Variants in PDE11A observed in about 807,000 individuals in gnomAD.
The protein encoded by PDE11A is dual 3',5'-cyclic-AMP and -GMP phosphodiesterase 11A.
A neutral mutation model predicts 100.5 loss-of-function variants in PDE11A; 100 were observed. That is an observed-to-expected ratio of 1.00 (90% CI 0.85 to 1.18). PDE11A has a LOEUF of 1.18. PDE11A is among the 50% of genes most tolerant of loss of function. The probability of loss-of-function intolerance (pLI) is 0.00; values close to 1 mark genes in which losing one functional copy is unlikely to be tolerated. For synonymous variants in PDE11A, 381 were observed against 420.8 expected, an observed-to-expected ratio of 0.91 and a Z score of 1.16; for missense variants, 1,141 against 1,152.6, an observed-to-expected ratio of 0.99 and a Z score of 0.15.
Position 177,629,121 on chromosome 2 carries a change from G to C in PDE11A, c.*286C>G. The C allele has an allele frequency of 2.2e-6, 1 of 464,662 alleles. No individual in the cohort carries two copies. The highest frequency in any genetic ancestry group is 2.1e-5 in the South Asian group (1 of 47,446). The allele number at this position is 464,662 out of a possible 1,614,324, so 28.8% of individuals were successfully genotyped here. A position where few individuals can be genotyped will look rare whatever the true frequency, so the allele number is the denominator to read the frequency against. On this transcript the variant is annotated 3_prime_UTR_variant, in exon 20 of 20. Coordinates refer to ENST00000286063, the MANE Select transcript of PDE11A (RefSeq NM_016953.4). Reference sequence around the variant, plus strand: ...GTAGGCCGACTGTCCACAGGTCCTTGGATCCAAAACAGTCCCCTACCCAGA... The same window carrying C: ...GTAGGCCGACTGTCCACAGGTCCTTCGATCCAAAACAGTCCCCTACCCAGA...
intron 9 of PDE11A, among the ~76,000 whole-genome samples, chr2:177,782,813 TTCTC>T (rs1275127189): frequency 1.3e-5 from 2 of 151,962 alleles, no homozygotes; most frequent in Non-Finnish European, 2.9e-5. Flanking sequence ...TTTCTTCTCT[TTCTC>T]TCCCTTTCTT....
At chr2:177,661,912 G>C (rs1172876589) in intron 19 of PDE11A, among the ~76,000 whole-genome samples, 1 of 152,138 alleles carries the variant, frequency 6.6e-6, no homozygotes, top group South Asian at 2.1e-4. Flanking sequence ...AAAGGTCAGG[G>C]GTGAGCAGGA....
chr2:177,863,152 C>G (rs554678305), intron 5 of PDE11A, among the ~76,000 whole-genome samples: 2 of 151,918 alleles, frequency 1.3e-5, no homozygotes, highest in Non-Finnish European at 2.9e-5. Context: ...GATATTGGAC[C>G]ATTATCTTAC....
chr2:177,834,701 G>A (rs747361481), intron 6 of PDE11A, among the ~76,000 whole-genome samples: 11 of 152,194 alleles, frequency 7.2e-5, no homozygotes, highest in Non-Finnish European at 1.3e-4. Flanking sequence ...TTCTCTCCCT[G>A]ATGAAGAAAC....
At chr2:177,959,315 G>A (rs1043138513) in intron 2 of PDE11A, among the ~76,000 whole-genome samples, 6 of 152,230 alleles carry the variant, frequency 3.9e-5, no homozygotes, top group African/African-American at 1.2e-4. Flanking sequence ...GCAGGACCTC[G>A]GAAGCCAGGG....
intron 17 of PDE11A, among the ~76,000 whole-genome samples, chr2:177,673,542 TG>T (rs1474297264): frequency 1.3e-5 from 2 of 152,160 alleles, no homozygotes; most frequent in African/African-American, 4.8e-5. Flanking sequence ...TGTTGGACTC[TG>T]TATTTTGGGT....
chr2:177,947,033 C>T (rs1259188947), intron 2 of PDE11A, among the ~76,000 whole-genome samples: 16 of 119,406 alleles, frequency 1.3e-4, no homozygotes, highest in African/African-American at 4.4e-4. Flanking sequence ...GCCCCCCGCC[C>T]GGCCAGCCGC....
intron 10 of PDE11A, among the ~76,000 whole-genome samples, chr2:177,741,589 T>A (rs1350118344): frequency 2.0e-5 from 3 of 152,216 alleles, no homozygotes; most frequent in Non-Finnish European, 4.4e-5. Flanking sequence ...AGTGTCCTGA[T>A]TACAATTTTA....
intron 19 of PDE11A, among the ~76,000 whole-genome samples, chr2:177,634,871 G>A (rs1361260604): frequency 1.3e-5 from 2 of 152,208 alleles, no homozygotes; most frequent in Non-Finnish European, 2.9e-5. Context: ...CTTATCAAGT[G>A]ATACGGGATG....
intron 13 of PDE11A, among the ~76,000 whole-genome samples, chr2:177,710,944 C>G (rs2081350669): frequency 6.6e-6 from 1 of 152,248 alleles, no homozygotes; most frequent in Non-Finnish European, 1.5e-5. Context: ...GCCTTCTCTA[C>G]TTTCCCTACC....
chr2:177,887,875 T>C (rs1183423587), intron 4 of PDE11A, among the ~76,000 whole-genome samples: 1 of 152,080 alleles, frequency 6.6e-6, no homozygotes, highest in Non-Finnish European at 1.5e-5. Context: ...CCTAGTGCAC[T>C]ATAAAGGGAA....
intron 10 of PDE11A, among the ~76,000 whole-genome samples, chr2:177,744,294 TG>T (rs1353658152): frequency 6.6e-6 from 1 of 151,036 alleles, no homozygotes; most frequent in African/African-American, 2.4e-5. Flanking sequence ...ATAATCTGCC[TG>T]GGGGAGAGTG....
rs1041268526 is a variant in PDE11A, at chr2:177,653,921, C to A, written c.2646+9945G>T. Among the ~76,000 whole-genome samples the A allele has an allele frequency of 2.6e-5, 4 of 152,208 alleles. No individual in the cohort carries two copies. The South Asian group carries it at 8.3e-4, about 31-fold the overall frequency. Reference sequence around the variant, plus strand: ...CAGGCATTCCTTCTGAAAGGCAGATCGGCTGGCTCCCTGTTGCTCTCCCCT... The same window carrying A: ...CAGGCATTCCTTCTGAAAGGCAGATAGGCTGGCTCCCTGTTGCTCTCCCCT... On this transcript the variant is annotated intron_variant, in intron 19 of 19. Coordinates refer to ENST00000286063, the MANE Select transcript of PDE11A (RefSeq NM_016953.4).
intron 9 of PDE11A, among the ~76,000 whole-genome samples, chr2:177,775,511 A>C (rs1005810918): frequency 5.9e-5 from 9 of 152,148 alleles, no homozygotes; most frequent in Non-Finnish European, 1.2e-4. Context: ...TTGGTCACAA[A>C]TCTCAGGTTC....
intron 5 of PDE11A, among the ~76,000 whole-genome samples, chr2:177,844,325 G>C (rs1489386190): frequency 1.3e-5 from 2 of 151,930 alleles, no homozygotes; most frequent in African/African-American, 2.4e-5. Context: ...TCTCTCTGGG[G>C]CCTCTTTTAT....
At chr2:177,875,535 G>A (rs932879983) in intron 5 of PDE11A, among the ~76,000 whole-genome samples, 3 of 150,880 alleles carry the variant, frequency 2.0e-5, no homozygotes, top group Non-Finnish European at 4.4e-5. Context: ...CCGCCACCAT[G>A]CCCGGCTAAT....
chr2:177,945,031 C>A (rs59405496), intron 2 of PDE11A, among the ~76,000 whole-genome samples: 24,817 of 139,828 alleles, frequency 0.18, 2,636 homozygotes, highest in Middle Eastern at 0.29. Flanking sequence ...TGTGTTGGCC[C>A]GGCCGGTCTC....
chr2:177,990,538 G>T (rs886119922), intron 2 of PDE11A, among the ~76,000 whole-genome samples: 11 of 151,876 alleles, frequency 7.2e-5, no homozygotes, highest in African/African-American at 2.7e-4. Flanking sequence ...AGGAATTCAA[G>T]ACCAGCCTGA....
chr2:177,784,550 T>G (rs2082503871), intron 9 of PDE11A, among the ~76,000 whole-genome samples: 1 of 152,250 alleles, frequency 6.6e-6, no homozygotes, highest in Non-Finnish European at 1.5e-5. Flanking sequence ...CAGCCCATGC[T>G]GCTATCTGCC....
Sources: allele counts gnomAD v4.1 joint callset (sites outside exome capture counted in the v4.1 genomes callset), GRCh38; gene constraint gnomAD v4.1.1; transcripts MANE v1.5; gene names NCBI Gene and HGNC (gene_info 2026-07-23, HGNC 2026-07-21).